TSPAN9: variants seen among roughly 807,000 people sequenced by gnomAD.
TSPAN9 encodes tetraspanin-9.
A neutral mutation model predicts 31.0 loss-of-function variants in TSPAN9; 16 were observed. The observed-to-expected ratio is 0.52, with a 90% CI of 0.35 to 0.78. The LOEUF (loss-of-function observed/expected upper bound fraction) is 0.78. TSPAN9 is among the 30% of genes least tolerant of loss of function. The pLI is 0.01. For missense variants in TSPAN9, 272 were observed against 312.5 expected (o/e 0.87, Z 0.98); for synonymous variants, 145 against 121.6 (o/e 1.19, Z -1.27).
chr12:3,094,610 C>T (rs1400969261), intron 2 of TSPAN9, among the ~76,000 whole-genome samples: 3 of 150,254 alleles, frequency 2.0e-5, no homozygotes, highest in Non-Finnish European at 4.4e-5. Flanking sequence ...AGTCTCGGCT[C>T]ACCACAACCT....
intron 2 of TSPAN9, 156 bp from the exon 3 acceptor site, chr12:3,201,021 T>C: frequency 3.1e-6 from 2 of 639,046 alleles, no homozygotes; most frequent in Non-Finnish European, 5.5e-6. Flanking sequence ...GGCCGCCCGT[T>C]CGGCCGCGGC....
At chr12:3,217,251 G>T (rs925385440) in intron 3 of TSPAN9, among the ~76,000 whole-genome samples, 2 of 152,210 alleles carry the variant, frequency 1.3e-5, no homozygotes, top group Non-Finnish European at 2.9e-5. Flanking sequence ...AGGGGCTGAG[G>T]TGTAGCATCC....
At chr12:3,271,036 C>G (rs1043620088) in intron 3 of TSPAN9, among the ~76,000 whole-genome samples, 1 of 152,182 alleles carries the variant, frequency 6.6e-6, no homozygotes, top group Non-Finnish European at 1.5e-5. Flanking sequence ...GGAGAATAAC[C>G]CCATTCTGGT....
intron 3 of TSPAN9, among the ~76,000 whole-genome samples, chr12:3,266,666 T>C (rs1862543096): frequency 6.6e-6 from 1 of 152,136 alleles, no homozygotes; most frequent in Non-Finnish European, 1.5e-5. Context: ...CAGGGAGGGA[T>C]CTCAGGTTGT....
chr12:3,122,088 CA>C (rs2098325396), intron 2 of TSPAN9, among the ~76,000 whole-genome samples: 1 of 152,144 alleles, frequency 6.6e-6, no homozygotes. Flanking sequence ...GTAATCCCAG[CA>C]CTTTGGGAGG....
chr12:3,228,508 T>A (rs959575819), intron 3 of TSPAN9, among the ~76,000 whole-genome samples: 7 of 152,222 alleles, frequency 4.6e-5, no homozygotes, highest in Non-Finnish European at 8.8e-5. Flanking sequence ...GGCAATCATT[T>A]CTGAGGCTTT....
At chr12:3,214,167 G>A (rs533097362) in intron 3 of TSPAN9, among the ~76,000 whole-genome samples, 14 of 152,172 alleles carry the variant, frequency 9.2e-5, no homozygotes, top group Non-Finnish European at 1.9e-4. Flanking sequence ...AGGTCTCTCT[G>A]GGCCCTGACA....
intron 2 of TSPAN9, among the ~76,000 whole-genome samples, chr12:3,169,685 G>A (rs1478128586): frequency 1.3e-5 from 2 of 152,256 alleles, no homozygotes; most frequent in African/African-American, 4.8e-5. Context: ...TCCCTGCCTG[G>A]GCATTTGGGA....
intron 2 of TSPAN9, among the ~76,000 whole-genome samples, chr12:3,129,977 G>C (rs1340061941): frequency 6.6e-6 from 1 of 152,150 alleles, no homozygotes; most frequent in Non-Finnish European, 1.5e-5. Context: ...CAGGCCCCTG[G>C]GTCTTCTTTG....
At chr12:3,220,304 C>T (rs533191879) in intron 3 of TSPAN9, among the ~76,000 whole-genome samples, 5 of 152,296 alleles carry the variant, frequency 3.3e-5, no homozygotes, top group African/African-American at 7.2e-5. Context: ...CAAAGACTTC[C>T]GTGCTCTTAA....
chr12:3,156,440 G>A (rs1419599697), intron 2 of TSPAN9, among the ~76,000 whole-genome samples: 1 of 152,166 alleles, frequency 6.6e-6, no homozygotes, highest in Non-Finnish European at 1.5e-5. Flanking sequence ...CTTCTTGATA[G>A]GGGAGGTGTT....
At chr12:3,137,044 A>T (rs1014712949) in intron 2 of TSPAN9, among the ~76,000 whole-genome samples, 2 of 152,100 alleles carry the variant, frequency 1.3e-5, no homozygotes, top group African/African-American at 4.8e-5. Context: ...TACCACTGCT[A>T]CTCTGGGATC....
intron 2 of TSPAN9, among the ~76,000 whole-genome samples, chr12:3,176,358 C>T (rs2098355571): frequency 6.6e-6 from 1 of 152,200 alleles, no homozygotes; most frequent in South Asian, 2.1e-4. Context: ...GGGGCATGTG[C>T]TCTGCACAGG....
chr12:3,231,283 C>T (rs575176384), intron 3 of TSPAN9, among the ~76,000 whole-genome samples: 2 of 152,266 alleles, frequency 1.3e-5, no homozygotes, highest in East Asian at 1.9e-4. Flanking sequence ...TTGGGCCAGG[C>T]ACTGCCCCTT....
chr12:3,200,872 C>A (rs2098371171), intron 2 of TSPAN9: 1 of 294,424 alleles, frequency 3.4e-6, no homozygotes, highest in Non-Finnish European at 6.3e-6. Context: ...CCGTCCCATT[C>A]TGGGAGCGAT....
Position 3,225,668 on chromosome 12 carries a change from C to T in TSPAN9, c.63+24412C>T, listed in dbSNP as rs568391452. Among the ~76,000 whole-genome samples, 98 of 152,108 alleles carry T rather than the reference C, an allele frequency of 6.4e-4. No individual in the cohort carries two copies. In the South Asian group the frequency reaches 0.012, roughly 19 times the overall value. On this transcript the variant is annotated intron_variant, in intron 3 of 8. Transcript: ENST00000011898. The stretch of plus-strand genomic sequence containing the variant: ...TCCGGAGCTTAAGAAAGTGGGCAGA[C>T]GGCCCCCCGCCCTCCACAATAACAG...
In TSPAN9 at chr12:3,286,056, T is replaced by A. The variant is rs927087104; in HGVS notation, c.*2940T>A. 3.3e-5 allele frequency: 5 copies of A among 152,620 alleles called. No homozygotes were observed. The highest frequency in any genetic ancestry group is 1.2e-4 in the African/African-American group (5 of 41,450). 9.5% of individuals were successfully genotyped at this position (152,620 alleles called of 1,614,324 possible). A position where few individuals can be genotyped will look rare whatever the true frequency, so the allele number is the denominator to read the frequency against. ...TGTCCTGGTTTGACTTGGAACTAGA[T>A]GGCCATCTTTCCAGGCTTTGGTGGC... On this transcript the variant is annotated 3_prime_UTR_variant, in exon 9 of 9. Coordinates refer to ENST00000011898, the MANE Select transcript of TSPAN9 (RefSeq NM_006675.5). This position sits in a 1 kb window ranked among gnomAD's most constrained non-coding sequence, Gnocchi z 4.1.
At chr12:3,248,753 G>A (rs1050163401) in intron 3 of TSPAN9, among the ~76,000 whole-genome samples, 1 of 152,136 alleles carries the variant, frequency 6.6e-6, no homozygotes, top group Non-Finnish European at 1.5e-5. Flanking sequence ...GTGTGGCTGA[G>A]CCCAGAACGG....
chr12:3,098,037 G>T (rs1270047626), intron 2 of TSPAN9, among the ~76,000 whole-genome samples: 1 of 152,224 alleles, frequency 6.6e-6, no homozygotes. Flanking sequence ...GTGCACCGAT[G>T]CAGGACGTCG....
Sources: gnomAD v4.1 joint callset for allele counts (sites outside exome capture counted in the v4.1 genomes callset) on GRCh38, gnomAD v4.1.1 for gene constraint, Gnocchi (gnomAD v3.1) non-coding constraint, MANE v1.5 for transcripts, NCBI Gene and HGNC (gene_info 2026-07-23, HGNC 2026-07-21) for gene names.